The following SEC23IP variants were observed in gnomAD, a reference collection of about 807,000 sequenced individuals.
SEC23IP encodes the protein SEC23-interacting protein.
SEC23IP carries 70 observed loss-of-function variants against 113.4 expected under a neutral mutation model. That is an observed-to-expected ratio of 0.62 (90% CI 0.51 to 0.75). The LOEUF (loss-of-function observed/expected upper bound fraction) is 0.75, where lower values mean the gene tolerates loss of function less well. SEC23IP is among the 30% of genes least tolerant of loss of function. SEC23IP has a pLI of 0.00. For missense variants in SEC23IP, 1,160 were observed against 1,204.9 expected (o/e 0.96, Z 0.55); for synonymous variants, 398 against 421.0 (o/e 0.95, Z 0.67).
chr10:119,893,643 C>T (rs974778639), intron 1 of SEC23IP, among the ~76,000 whole-genome samples: 5 of 151,804 alleles, frequency 3.3e-5, no homozygotes, highest in African/African-American at 1.2e-4. Context: ...CCTCAGCCTC[C>T]CGAGTAGCTG....
At chr10:119,938,624 C>T (rs1855870292) in intron 18 of SEC23IP, among the ~76,000 whole-genome samples, 1 of 152,100 alleles carries the variant, frequency 6.6e-6, no homozygotes, top group Non-Finnish European at 1.5e-5. Context: ...TAGAAGTTCT[C>T]AGTATACCAT....
rs762381006 is a variant in SEC23IP at position 119,898,619 on chromosome 10, C to T, written c.356C>T (p.Ala119Val). 1.2e-6 allele frequency: 2 copies of T among 1,614,226 alleles called. No individual in the cohort carries two copies. The highest frequency in any genetic ancestry group is 8.5e-7 in the Non-Finnish European group (1 of 1,180,036). The part of the protein sequence containing the change: ...GQSGFPKPLT[A>V]LPFTTGSQDV... Reference sequence around the variant, plus strand: ...TCAGGATTCCCCAAGCCCCTGACTGCTCTCCCTTTTACAACTGGATCCCAA... The same window carrying T: ...TCAGGATTCCCCAAGCCCCTGACTGTTCTCCCTTTTACAACTGGATCCCAA... Residue 119 changes from alanine to valine, a missense_variant, in exon 2 of 19, where the codon GCT (alanine) becomes GTT (valine). Physicochemically the swap from Ala to Val is moderately conservative, Grantham distance 64. Coordinates refer to ENST00000369075, the MANE Select transcript of SEC23IP (RefSeq NM_007190.4).
rs200433648 is a variant in SEC23IP, at chr10:119,912,089, A to G, written c.1237A>G (p.Thr413Ala). ...CTCCTCAGTGCCAGATGAATGGGGC[A>G]CCACGCAAGATGGACAGACAAGGCC... The part of the protein sequence containing the change: ...QPSSVPDEWG[T>A]TQDGQTRPRV... The change falls in exon 6 of 19, where the codon ACC becomes GCC. Residue 413 changes from threonine (T) to alanine (A), a missense_variant. Physicochemically the swap from Thr to Ala is moderately conservative, Grantham distance 58. Coordinates refer to ENST00000369075, the MANE Select transcript of SEC23IP (RefSeq NM_007190.4). 8.3e-5 allele frequency: 134 copies of G among 1,614,150 alleles called. 1 individual carries two copies. In the Admixed American group the frequency reaches 2.2e-3, roughly 26 times the overall value.
Position 119,904,078 on chromosome 10 carries a change from C to G in SEC23IP, c.908-6C>G. 6.2e-7 allele frequency: 1 copy of G among 1,613,002 alleles called. No homozygotes were observed. The highest frequency in any genetic ancestry group is 8.5e-7 in the Non-Finnish European group (1 of 1,179,222). ...AGTTAGGAAAAGTGTTAATTTTGTT[C>G]TCTAGTTCAGCCAGATCCGGAGAGC... On this transcript the variant is annotated splice_polypyrimidine_tract_variant and splice_region_variant and intron_variant, in intron 3 of 18. Transcript: ENST00000369075.
chr10:119,917,702 T>C, intron 8 of SEC23IP, 134 bp from the exon 9 acceptor site: 10 of 646,172 alleles, frequency 1.5e-5, no homozygotes, highest in Admixed American at 5.8e-5. Context: ...TTATAATGAC[T>C]ATCTACAGAA....
At chr10:119,914,515 G>T in intron 6 of SEC23IP, 1 of 508,668 alleles carries the variant, frequency 2.0e-6, no homozygotes, top group Non-Finnish European at 3.6e-6. Flanking sequence ...GAGAGAGCCT[G>T]CTGCCTCCAC....
At chr10:119,893,838 ATCACT>A (rs1317316848) in intron 1 of SEC23IP, among the ~76,000 whole-genome samples, 1 of 152,146 alleles carries the variant, frequency 6.6e-6, no homozygotes, top group African/African-American at 2.4e-5. Flanking sequence ...AAGACAATAC[ATCACT>A]TCTTCCAAGA....
At chr10:119,930,242 A>T in intron 14 of SEC23IP, 87 bp from the exon 15 acceptor site, 1 of 632,172 alleles carries the variant, frequency 1.6e-6, no homozygotes, top group Non-Finnish European at 2.7e-6. Context: ...TTTGCCATGT[A>T]TCCATTTTCT....
At chr10:119,938,126 TAA>T (rs71019734) in intron 18 of SEC23IP, among the ~76,000 whole-genome samples, 111 of 138,654 alleles carry the variant, frequency 8.0e-4, no homozygotes, top group Middle Eastern at 3.7e-3. Flanking sequence ...CCTCGTCTCT[TAA>T]AAAAAAAAAA....
intron 3 of SEC23IP, among the ~76,000 whole-genome samples, chr10:119,903,291 T>C (rs529797733): frequency 1.3e-5 from 2 of 152,322 alleles, no homozygotes; most frequent in South Asian, 2.1e-4. Context: ...CCCTTGTTCA[T>C]TTGTAGTTAT....
rs192832539 is a variant in SEC23IP at position 119,898,895 on chromosome 10, C to T, written c.632C>T (p.Ala211Val). The T allele has an allele frequency of 2.3e-5, 37 of 1,605,208 alleles. No individual in the cohort carries two copies. The East Asian group carries it at 7.1e-4, about 31-fold the overall frequency. Reference sequence around the variant, plus strand: ...CAGTGCCAAACACCAGGCCCTCCTGCTCATCCTCCACCTTCTGGACCCCCT... The same window carrying T: ...CAGTGCCAAACACCAGGCCCTCCTGTTCATCCTCCACCTTCTGGACCCCCT... The part of the protein sequence containing the change: ...LQQCQTPGPP[A>V]HPPPSGPPVQ... The change falls in exon 2 of 19, where the codon GCT (alanine) becomes GTT (valine). Residue 211 changes from alanine (A) to valine (V), a missense_variant. Ala to Val is a moderately conservative substitution (Grantham distance 64, BLOSUM62 0). Transcript: ENST00000369075.
intron 6 of SEC23IP, among the ~76,000 whole-genome samples, chr10:119,913,138 C>T (rs575928636): frequency 6.6e-6 from 1 of 152,292 alleles, no homozygotes; most frequent in African/African-American, 2.4e-5. Flanking sequence ...ATGAGATAAA[C>T]TTCTTTAGTT....
rs750824114 is a variant in SEC23IP at position 119,898,487 on chromosome 10, C to T, written c.224C>T (p.Ser75Phe). 84 of 1,614,020 alleles carry T rather than the reference C, an allele frequency of 5.2e-5. No individual in the cohort carries two copies. The highest frequency in any genetic ancestry group is 6.0e-5 in the Non-Finnish European group (71 of 1,180,006). ...SFLGQTSIHT[S>F]APQTFSYFSQ... is the part of the protein sequence containing the mutation. ...CTTGGTCAGACTTCTATTCACACAT[C>T]TGCCCCACAGACATTTAGTTACTTC... The change falls in exon 2 of 19, where the codon TCT becomes TTT. Residue 75 changes from serine to phenylalanine, a missense_variant. By Grantham distance (155) the Ser-to-Phe change is radical. Coordinates refer to ENST00000369075, the MANE Select transcript of SEC23IP (RefSeq NM_007190.4).
intron 15 of SEC23IP, among the ~76,000 whole-genome samples, 195 bp from the exon 16 acceptor site, chr10:119,931,935 TAAA>T (rs59278266): frequency 6.7e-6 from 1 of 148,512 alleles, no homozygotes; most frequent in Non-Finnish European, 1.5e-5. Context: ...GTTTAGTCAT[TAAA>T]AAAAAAAGCA....
rs1856012282 is a variant in SEC23IP, at chr10:119,943,598, AT to A, written c.*3034del. The A allele has an allele frequency of 6.6e-6, 1 of 152,166 alleles. No homozygotes were observed. Among genetic ancestry groups the A allele is most frequent in the African/African-American group, 2.4e-5 (1 of 41,402 alleles). The allele number at this position is 152,166 out of a possible 1,614,324, so 9.4% of individuals were successfully genotyped here. ...GAGCGAGACTCTGTCTCAAAAAAAA[AT>A]AAATGAATAAAAAATAAAACAGCAA... On this transcript the variant is annotated 3_prime_UTR_variant, in exon 19 of 19. Coordinates refer to ENST00000369075, the MANE Select transcript of SEC23IP (RefSeq NM_007190.4).
Position 119,942,986 on chromosome 10 carries a change from G to A in SEC23IP, c.*2421G>A, listed in dbSNP as rs1455026525. The A allele has an allele frequency of 6.6e-6, 1 of 152,152 alleles. No individual in the cohort carries two copies. Among genetic ancestry groups the A allele is most frequent in the African/African-American group, 2.4e-5 (1 of 41,404 alleles). 9.4% of individuals were successfully genotyped at this position (152,152 alleles called of 1,614,324 possible). A position where few individuals can be genotyped will look rare whatever the true frequency, so the allele number is the denominator to read the frequency against. On this transcript the variant is annotated 3_prime_UTR_variant, in exon 19 of 19. Transcript: ENST00000369075. ...TCTTGGCAGGGATGATCATGTATTT[G>A]AAATAGTAACTCACAGCATTTGGTC... is the stretch of plus-strand genomic sequence containing the variant.
intron 3 of SEC23IP, 119 bp from the exon 4 acceptor site, chr10:119,903,965 C>A: frequency 9.8e-7 from 1 of 1,015,584 alleles, no homozygotes; most frequent in Non-Finnish European, 1.4e-6. Flanking sequence ...AGTGATCCAC[C>A]TCTCTCGGCC....
chr10:119,921,127 C>G, intron 12 of SEC23IP, 143 bp downstream of exon 12: 1 of 543,998 alleles, frequency 1.8e-6, no homozygotes, highest in Non-Finnish European at 3.2e-6. Context: ...TGATGGAAAC[C>G]CAGACTTAGG....
intron 8 of SEC23IP, among the ~76,000 whole-genome samples, 157 bp downstream of exon 8, chr10:119,916,046 A>T (rs889725656): frequency 2.0e-5 from 3 of 152,244 alleles, no homozygotes; most frequent in African/African-American, 7.2e-5. Context: ...AAGTTTACAC[A>T]CTACTTTTCT....
Sources: gnomAD v4.1 joint callset for allele counts (sites outside exome capture counted in the v4.1 genomes callset) on GRCh38, gnomAD v4.1.1 for gene constraint, MANE v1.5 for transcripts, NCBI Gene and HGNC (gene_info 2026-07-23, HGNC 2026-07-21) for gene names.